Variants in KLHL15 observed in about 807,000 individuals in gnomAD.
KLHL15 encodes the protein kelch like family member 15.
Under a neutral mutation model 29.3 loss-of-function variants are expected in KLHL15, and 1 was observed. The observed-to-expected ratio is 0.03, with a 90% CI of 0.01 to 0.16. The LOEUF (loss-of-function observed/expected upper bound fraction) is 0.16, where lower values mean the gene tolerates loss of function less well. KLHL15 is among the 10% of genes least tolerant of loss of function. The pLI, the probability that KLHL15 is intolerant of heterozygous loss-of-function variation, is 1.00. For synonymous variants in KLHL15, 212 were observed against 184.5 expected, an observed-to-expected ratio of 1.15 and a Z score of -1.21; for missense variants, 215 against 478.5, an observed-to-expected ratio of 0.45 and a Z score of 5.14.
intron 2 of KLHL15, among the ~76,000 whole-genome samples, chrX:24,019,535 T>A (rs770332153): frequency 1.3e-4 from 14 of 110,883 alleles, no homozygotes; most frequent in Non-Finnish European, 2.6e-4. Context: ...GGATTACAGG[T>A]GTGAGCCACC....
intron 2 of KLHL15, among the ~76,000 whole-genome samples, chrX:24,016,117 G>A (rs1049623200): frequency 6.5e-5 from 7 of 108,257 alleles, no homozygotes; most frequent in Non-Finnish European, 1.1e-4. Context: ...GGGAGGCCAA[G>A]GCGGGCAGAT....
intron 1 of KLHL15, among the ~76,000 whole-genome samples, chrX:24,026,682 C>G (rs1433059316): frequency 9.2e-6 from 1 of 108,745 alleles, no homozygotes; most frequent in Admixed American, 1.0e-4. Context: ...AACATACCAT[C>G]TTTCCCAAGA....
chrX:23,993,346 T>C (rs1929123132), intron 3 of KLHL15, among the ~76,000 whole-genome samples: 1 of 110,719 alleles, frequency 9.0e-6, no homozygotes, highest in African/African-American at 3.3e-5. Flanking sequence ...TGTTGAAAAA[T>C]AGCCCACCAA....
intron 1 of KLHL15, among the ~76,000 whole-genome samples, chrX:24,025,374 G>T (rs1929905501): frequency 9.4e-6 from 1 of 105,928 alleles, no homozygotes; most frequent in South Asian, 3.9e-4. Context: ...CGGGGCGTGC[G>T]GGGCCACGAG....
chrX:23,992,825 T>C (rs1929111423), intron 3 of KLHL15, among the ~76,000 whole-genome samples: 1 of 111,985 alleles, frequency 8.9e-6, no homozygotes, highest in Non-Finnish European at 1.9e-5. Flanking sequence ...TGGTAAAAAT[T>C]GGGCACATAA....
intron 3 of KLHL15, among the ~76,000 whole-genome samples, chrX:23,991,776 T>C (rs771129391): frequency 9.0e-6 from 1 of 111,731 alleles, no homozygotes; most frequent in African/African-American, 3.3e-5. Flanking sequence ...GAGGCGGAGG[T>C]TGCAGTGAAC....
intron 3 of KLHL15, among the ~76,000 whole-genome samples, chrX:23,996,709 A>G (rs182542032): frequency 3.7e-4 from 42 of 112,153 alleles, no homozygotes; most frequent in African/African-American, 1.3e-3. Flanking sequence ...TACATTTGAT[A>G]TAATTTTGAT....
intron 3 of KLHL15, among the ~76,000 whole-genome samples, chrX:23,998,108 C>T (rs1431284313): frequency 2.7e-5 from 3 of 110,800 alleles, no homozygotes; most frequent in Admixed American, 1.9e-4. Flanking sequence ...ATTACAGGCA[C>T]GCACCACCAT....
intron 3 of KLHL15, among the ~76,000 whole-genome samples, chrX:24,005,548 ACT>A (rs1929429592): frequency 2.7e-5 from 3 of 111,280 alleles, no homozygotes; most frequent in African/African-American, 6.5e-5. Flanking sequence ...GGAATAAGAA[ACT>A]CTATTAATGT....
intron 2 of KLHL15, among the ~76,000 whole-genome samples, chrX:24,014,282 A>T (rs1929631784): frequency 9.0e-6 from 1 of 111,357 alleles, no homozygotes; most frequent in African/African-American, 3.3e-5. Flanking sequence ...TGAAGATTTA[A>T]TAATAGAAGG....
In KLHL15 at chrX:23,986,294, A is replaced by C. The variant is rs1355782676; in HGVS notation, c.*1627T>G. 9.0e-6 allele frequency: 1 copy of C among 111,644 alleles called. No homozygotes were observed. The allele number at this position is 111,644 out of a possible 1,213,427, so 9.2% of individuals were successfully genotyped here. A position where few individuals can be genotyped will look rare whatever the true frequency, so the allele number is the denominator to read the frequency against. On this transcript the variant is annotated 3_prime_UTR_variant, in exon 4 of 4. Coordinates refer to ENST00000328046, the MANE Select transcript of KLHL15 (RefSeq NM_030624.3). ...GGTGGCAGCAGCAAAAAAACAAACA[A>C]ACAAACAAAAAAACAAAAAACACCA...
At position 24,019,257 on chromosome X, in the gene KLHL15, T is replaced by C. The variant is rs752480258; in HGVS notation, c.-8+5600A>G. 1.3e-4 allele frequency among the ~76,000 whole-genome samples: 15 copies of C among 111,895 alleles called. No homozygotes were observed. The South Asian group carries it at 3.7e-3, about 28-fold the overall frequency. ...TTATTTAGGTTACCATGTAATAGAA[T>C]TAATTTTTATTTGTTTATTTATTTT... On this transcript the variant is annotated intron_variant, in intron 2 of 3. Coordinates refer to ENST00000328046, the MANE Select transcript of KLHL15 (RefSeq NM_030624.3).
At chrX:24,004,126 G>A (rs1272547859) in intron 3 of KLHL15, among the ~76,000 whole-genome samples, 2 of 110,174 alleles carry the variant, frequency 1.8e-5, no homozygotes, top group South Asian at 3.8e-4. Flanking sequence ...GAGGCAGAAT[G>A]CCCCCTTCCC....
intron 2 of KLHL15, among the ~76,000 whole-genome samples, chrX:24,008,878 A>AC (rs1555977240): frequency 3.7e-5 from 4 of 107,461 alleles, no homozygotes; most frequent in African/African-American, 1.4e-4. Flanking sequence ...TTAGAAAAAA[A>AC]AAAAACAAAA....
At position 23,987,613 on chromosome X, in the gene KLHL15, A is replaced by G. The variant is rs751639571; in HGVS notation, c.*308T>C. 1.2e-4 allele frequency: 23 copies of G among 195,350 alleles called. No homozygotes were observed. In the South Asian group the frequency reaches 2.9e-3, roughly 25 times the overall value. 16.1% of individuals were successfully genotyped at this position (195,350 alleles called of 1,213,427 possible). On this transcript the variant is annotated 3_prime_UTR_variant, in exon 4 of 4. Transcript: ENST00000328046. ...TATCGGGTCTTCTCTTAGAAGACAC[A>G]TGACTCCTACGCTAACATCTGAAAG...
chrX:24,002,097 T>C (rs1280286078), intron 3 of KLHL15, among the ~76,000 whole-genome samples: 3 of 110,009 alleles, frequency 2.7e-5, no homozygotes, highest in South Asian at 3.8e-4. Flanking sequence ...CGCGCCACTG[T>C]ACTGCAGCCT....
In KLHL15 at chrX:24,006,241, C is replaced by T. The variant is rs781664268; in HGVS notation, c.453G>A (p.Arg151=). 1.8e-5 allele frequency: 22 copies of T among 1,211,486 alleles called. No homozygotes were observed. Among genetic ancestry groups the T allele is most frequent in the Non-Finnish European group, 2.5e-5 (22 of 895,349 alleles). ...CTAGCAGAAAGGTGTCTAACTTCTC[C>T]CTGACTCCCTCGATGTTTACGCCGA... The part of the protein sequence containing the change: ...DDFGVNIEGV[R]EKLDTFLLDN... The change falls in exon 3 of 4, where the codon AGG becomes AGA. Residue 151 remains arginine (R), a synonymous_variant. Transcript: ENST00000328046.
At chrX:24,021,583 A>G (rs1305027561) in intron 2 of KLHL15, among the ~76,000 whole-genome samples, 3 of 112,506 alleles carry the variant, frequency 2.7e-5, no homozygotes, top group Non-Finnish European at 5.6e-5. Context: ...TTGGCACATA[A>G]TAAGTGCTTA....
At chrX:23,994,357 T>C (rs962598863) in intron 3 of KLHL15, among the ~76,000 whole-genome samples, 1 of 112,401 alleles carries the variant, frequency 8.9e-6, no homozygotes, top group Non-Finnish European at 1.9e-5. Context: ...TGGATGCTCA[T>C]TGCATTATTG....
Sources: gnomAD v4.1 joint callset for allele counts (sites outside exome capture counted in the v4.1 genomes callset) on GRCh38, gnomAD v4.1.1 for gene constraint, MANE v1.5 for transcripts, NCBI Gene and HGNC (gene_info 2026-07-23, HGNC 2026-07-21) for gene names.